BAZ1A: variants seen among roughly 807,000 people sequenced by gnomAD.
The protein encoded by BAZ1A is bromodomain adjacent to zinc finger domain 1A, also known as bromodomain adjacent to zinc finger domain protein 1A.
BAZ1A carries 50 observed loss-of-function variants against 185.2 expected under a neutral mutation model. The ratio of observed to expected loss-of-function variants is 0.27; its 90% CI spans 0.22 to 0.34. The LOEUF is 0.34. Ranked by LOEUF, BAZ1A falls within the 10% of genes least tolerant of loss-of-function variation. BAZ1A has a pLI of 1.00. For synonymous variants in BAZ1A, 571 were observed against 615.6 expected, an observed-to-expected ratio of 0.93 and a Z score of 1.07; for missense variants, 1,356 against 1,839.9, an observed-to-expected ratio of 0.74 and a Z score of 4.81.
chr14:34,854,513 A>C (rs1341390307), intron 3 of BAZ1A, among the ~76,000 whole-genome samples: 1 of 152,218 alleles, frequency 6.6e-6, no homozygotes, highest in Non-Finnish European at 1.5e-5. Flanking sequence ...AATTAAAGTC[A>C]ATAGAAAAAA....
chr14:34,783,384 T>G, intron 15 of BAZ1A, 152 bp from the exon 16 acceptor site: 1 of 560,226 alleles, frequency 1.8e-6, no homozygotes, highest in Non-Finnish European at 3.0e-6. Context: ...TTTTTTTTTT[T>G]TGAGACAGAG....
chr14:34,869,486 G>A (rs2042918584), intron 2 of BAZ1A, among the ~76,000 whole-genome samples: 1 of 152,012 alleles, frequency 6.6e-6, no homozygotes, highest in Admixed American at 6.6e-5. Context: ...GCTCCTGAGG[G>A]CAAGTGTAGG....
intron 9 of BAZ1A, among the ~76,000 whole-genome samples, chr14:34,797,698 C>T (rs12323749): frequency 0.42 from 63,586 of 151,866 alleles, 13,670 homozygotes; most frequent in South Asian, 0.53. Flanking sequence ...ATCTGGTTTC[C>T]GTTCCAAGAC....
intron 3 of BAZ1A, among the ~76,000 whole-genome samples, chr14:34,856,423 A>G (rs2042679610): frequency 6.6e-6 from 1 of 151,770 alleles, no homozygotes; most frequent in African/African-American, 2.4e-5. Flanking sequence ...AGCTAGGACT[A>G]CAGGCACATG....
chr14:34,806,941 G>GTTTGTAT (rs1316163656), intron 6 of BAZ1A, among the ~76,000 whole-genome samples: 1 of 151,014 alleles, frequency 6.6e-6, no homozygotes, highest in African/African-American at 2.4e-5. Context: ...GTAGATACAG[G>GTTTGTAT]GTTTGCCATG....
intron 4 of BAZ1A, among the ~76,000 whole-genome samples, chr14:34,812,820 A>T (rs1043566256): frequency 6.6e-6 from 1 of 152,228 alleles, no homozygotes; most frequent in Non-Finnish European, 1.5e-5. Flanking sequence ...TGATACAATT[A>T]AACAAGTAAA....
At chr14:34,780,571 G>T (rs940062952) in intron 16 of BAZ1A, among the ~76,000 whole-genome samples, 1 of 152,168 alleles carries the variant, frequency 6.6e-6, no homozygotes, top group Non-Finnish European at 1.5e-5. Context: ...GATCAAAAAG[G>T]CTGGCTTGAA....
At chr14:34,815,024 C>G (rs1466831576) in intron 4 of BAZ1A, among the ~76,000 whole-genome samples, 1 of 149,720 alleles carries the variant, frequency 6.7e-6, no homozygotes, top group Non-Finnish European at 1.5e-5. Flanking sequence ...ATCCACCCAC[C>G]TTGGCCTCCC....
chr14:34,783,661 C>T (rs1880203576), intron 15 of BAZ1A, 101 bp downstream of exon 15: 2 of 1,417,672 alleles, frequency 1.4e-6, no homozygotes. Context: ...CATCAAACAT[C>T]AGTATAATGA....
chr14:34,768,839 G>C (rs10150083), intron 21 of BAZ1A: 85,396 of 322,988 alleles, frequency 0.26, 11,637 homozygotes, highest in Non-Finnish European at 0.29. Context: ...AAGGGTTTAA[G>C]CATAAGTATG....
At chr14:34,771,418 C>T (rs1879207975) in intron 21 of BAZ1A, 93 bp downstream of exon 21, 6 of 1,210,310 alleles carry the variant, frequency 5.0e-6, no homozygotes, top group Middle Eastern at 2.0e-4. Context: ...TTATCAATTT[C>T]ATTATGTCAG....
At position 34,874,397 on chromosome 14, in the gene BAZ1A, C is replaced by A; in HGVS notation, c.113+95G>T. 1 of 1,249,664 alleles carries A rather than the reference C, an allele frequency of 8.0e-7. No individual in the cohort carries two copies. Among genetic ancestry groups the A allele is most frequent in the South Asian group, 1.2e-5 (1 of 81,150 alleles). The allele number at this position is 1,249,664 out of a possible 1,614,324, so 77.4% of individuals were successfully genotyped here. Reference sequence around the variant, plus strand: ...ACCCGTCACTTTCAAGTCGCCCCGCCAGAAGCCCAGGGCGAGGAAAAGGAG... The same window carrying A: ...ACCCGTCACTTTCAAGTCGCCCCGCAAGAAGCCCAGGGCGAGGAAAAGGAG... On this transcript the variant is annotated intron_variant, in intron 2 of 26. Coordinates refer to ENST00000360310, the MANE Select transcript of BAZ1A (RefSeq NM_013448.3). This position sits in a 1 kb window ranked among gnomAD's most constrained non-coding sequence, Gnocchi z 4.7.
At chr14:34,807,061 C>CT (rs140206695) in intron 6 of BAZ1A, among the ~76,000 whole-genome samples, 9,314 of 148,964 alleles carry the variant, frequency 0.063, 397 homozygotes, top group Non-Finnish European at 0.098. Flanking sequence ...AGCCAATGCT[C>CT]TTTTTATTAT....
intron 8 of BAZ1A, 86 bp downstream of exon 8, chr14:34,801,008 C>A (rs1881503778): frequency 2.3e-6 from 2 of 886,546 alleles, no homozygotes; most frequent in South Asian, 1.9e-5. Context: ...CAGAAACATG[C>A]CATTTCGGAA....
At chr14:34,858,668 G>A (rs1015236801) in intron 3 of BAZ1A, among the ~76,000 whole-genome samples, 3 of 150,156 alleles carry the variant, frequency 2.0e-5, no homozygotes, top group African/African-American at 7.4e-5. Flanking sequence ...GCGAGGGTGG[G>A]GAGGCAAAAA....
At chr14:34,867,360 A>G (rs2042877499) in intron 2 of BAZ1A, among the ~76,000 whole-genome samples, 2 of 152,214 alleles carry the variant, frequency 1.3e-5, no homozygotes, top group South Asian at 4.1e-4. Context: ...CATCTGGCCA[A>G]GTAATGGCTC....
intron 3 of BAZ1A, among the ~76,000 whole-genome samples, chr14:34,830,088 A>G (rs778486678): frequency 2.0e-5 from 3 of 152,226 alleles, no homozygotes; most frequent in Non-Finnish European, 4.4e-5. Context: ...CTTGAAAAAC[A>G]GTGTGACAAC....
Position 34,819,554 on chromosome 14 carries a change from C to T in BAZ1A, c.536+6459G>A, listed in dbSNP as rs531954325. ...AGTTAGTACATATGCATTTAAATTT[C>T]TTTTAGTACATGTGCATTTAAACTT... On this transcript the variant is annotated intron_variant, in intron 4 of 26. Transcript: ENST00000360310. Among the ~76,000 whole-genome samples the T allele has an allele frequency of 5.5e-4, 84 of 152,196 alleles. 1 individual carries two copies. In the South Asian group the frequency reaches 0.016, roughly 30 times the overall value.
Position 34,773,732 on chromosome 14 carries a change from A to G in BAZ1A, c.2998-6T>C, listed in dbSNP as rs1566552883. ...CAGATATGTCGATCTGTAACCTGTA[A>G]CAAAATTCAAACTTACTAACCATGA... is the stretch of plus-strand genomic sequence containing the variant. On this transcript the variant is annotated splice_polypyrimidine_tract_variant and splice_region_variant and intron_variant, in intron 19 of 26. Transcript: ENST00000360310. 6.2e-7 allele frequency: 1 copy of G among 1,612,980 alleles called. No individual in the cohort carries two copies. Among genetic ancestry groups the G allele is most frequent in the Non-Finnish European group, 8.5e-7 (1 of 1,179,722 alleles).
Sources: gnomAD v4.1 joint callset for allele counts (sites outside exome capture counted in the v4.1 genomes callset) on GRCh38, gnomAD v4.1.1 for gene constraint, Gnocchi (gnomAD v3.1) non-coding constraint, MANE v1.5 for transcripts, NCBI Gene and HGNC (gene_info 2026-07-23, HGNC 2026-07-21) for gene names.